GOLGA1: variants seen among roughly 807,000 people sequenced by gnomAD.
The protein encoded by GOLGA1 is golgin A1.
In GOLGA1, 63 loss-of-function variants were observed where a neutral mutation model predicts 119.7. The observed-to-expected ratio is 0.53, with a 90% confidence interval of 0.43 to 0.65. GOLGA1 has a LOEUF of 0.65. Among genes scored for constraint, GOLGA1 ranks in the 30% least tolerant of loss-of-function variants. The probability of loss-of-function intolerance (pLI) is 0.00; values close to 1 mark genes in which losing one functional copy is unlikely to be tolerated. For missense variants in GOLGA1, 798 were observed against 912.8 expected, an observed-to-expected ratio of 0.87 and a Z score of 1.62; for synonymous variants, 318 against 333.4, an observed-to-expected ratio of 0.95 and a Z score of 0.50.
intron 15 of GOLGA1, among the ~76,000 whole-genome samples, chr9:124,891,810 A>G (rs1829859739): frequency 6.6e-6 from 1 of 151,440 alleles, no homozygotes; most frequent in Non-Finnish European, 1.5e-5. Context: ...ACACCCAGCT[A>G]ATTTTTGTAT....
At chr9:124,926,652 T>A (rs772076506) in intron 7 of GOLGA1, 57 bp downstream of exon 7, 2 of 1,121,570 alleles carry the variant, frequency 1.8e-6, no homozygotes, top group Admixed American at 1.7e-5. Flanking sequence ...ATAAAACGTT[T>A]TCCATACCCC....
upstream of GOLGA1, chr9:124,943,236 G>T (rs944136421): frequency 6.6e-6 from 1 of 152,192 alleles, no homozygotes; most frequent in Non-Finnish European, 1.5e-5. Flanking sequence ...GTCATTGGTA[G>T]TAAATAGCCC....
At chr9:124,911,811 C>T in intron 11 of GOLGA1, 90 bp downstream of exon 11, 3 of 1,145,508 alleles carry the variant, frequency 2.6e-6, no homozygotes, top group Non-Finnish European at 3.8e-6. Context: ...GTTTGCTGGC[C>T]CTACAGCTCT....
chr9:124,919,259 A>G (rs1011726428), intron 10 of GOLGA1, among the ~76,000 whole-genome samples: 3 of 152,162 alleles, frequency 2.0e-5, no homozygotes, highest in African/African-American at 7.2e-5. Context: ...TGTCTCAAAA[A>G]AAAGAAAAAA....
At chr9:124,909,238 A>G (rs1424483404) in intron 11 of GOLGA1, among the ~76,000 whole-genome samples, 3 of 150,364 alleles carry the variant, frequency 2.0e-5, no homozygotes, top group Non-Finnish European at 4.4e-5. Context: ...ACTTGAACCC[A>G]GGAAGCGGAG....
chr9:124,924,503 G>A (rs1366307180), intron 7 of GOLGA1, among the ~76,000 whole-genome samples: 3 of 151,832 alleles, frequency 2.0e-5, no homozygotes, highest in African/African-American at 7.3e-5. Flanking sequence ...ATGGTGGCAT[G>A]TGCTTGTAAT....
chr9:124,932,586 A>G (rs1348526608), intron 3 of GOLGA1, among the ~76,000 whole-genome samples: 1 of 152,220 alleles, frequency 6.6e-6, no homozygotes. Context: ...GATTAAGTAA[A>G]TCAATACTTG....
chr9:124,885,165 A>T (rs192872529), intron 19 of GOLGA1, among the ~76,000 whole-genome samples: 5 of 152,264 alleles, frequency 3.3e-5, no homozygotes, highest in African/African-American at 1.2e-4. Context: ...CATCTCTACT[A>T]AAAATACAAA....
intron 19 of GOLGA1, among the ~76,000 whole-genome samples, chr9:124,883,602 C>T (rs1443392801): frequency 6.6e-6 from 1 of 152,216 alleles, no homozygotes; most frequent in African/African-American, 2.4e-5. Flanking sequence ...TTCCCACCAC[C>T]ACGCCCGGCT....
rs933676364 is a variant in GOLGA1 at position 124,879,169 on chromosome 9, C to T, written c.*1361G>A. On this transcript the variant is annotated 3_prime_UTR_variant, in exon 23 of 23. Coordinates refer to ENST00000373555, the MANE Select transcript of GOLGA1 (RefSeq NM_002077.4). ...AGCATGATTGAGAAATACAACTTTC[C>T]ATCACTGGATAATGGATAATAAATT... The T allele has an allele frequency of 3.9e-5, 6 of 152,196 alleles. No homozygotes were observed. The highest frequency in any genetic ancestry group is 1.4e-4 in the African/African-American group (6 of 41,444). 9.4% of individuals were successfully genotyped at this position (152,196 alleles called of 1,614,324 possible).
At chr9:124,944,055 C>G (rs1831101325), upstream of GOLGA1, 2 of 152,106 alleles carry the variant, frequency 1.3e-5, no homozygotes. Flanking sequence ...TCTACCTCAA[C>G]TGGAAGAATC....
In GOLGA1 at chr9:124,890,388, C is replaced by T. The variant is rs768425423; in HGVS notation, c.1497+1G>A. The T allele has an allele frequency of 6.2e-7, 1 of 1,604,740 alleles. No individual in the cohort carries two copies. Among genetic ancestry groups the T allele is most frequent in the Non-Finnish European group, 8.5e-7 (1 of 1,171,412 alleles). On this transcript the variant is annotated splice_donor_variant, in intron 16 of 22. Transcript: ENST00000373555. LOFTEE classifies it high-confidence loss of function. ...GCCCCTCAGCGTGAAACAGGGCCCA[C>T]CTGTTGCTGGAACTCTTCCCTTTGC...
At chr9:124,912,100 C>G in intron 10 of GOLGA1, 74 bp from the exon 11 acceptor site, 3 of 1,379,146 alleles carry the variant, frequency 2.2e-6, no homozygotes, top group Non-Finnish European at 3.0e-6. Context: ...TTTGGGCCAT[C>G]ACATTTTCCT....
rs961694842 is a variant in GOLGA1 at position 124,888,769 on chromosome 9, C to T, written c.1762-373G>A. On this transcript the variant is annotated intron_variant, in intron 18 of 22. Transcript: ENST00000373555. The surrounding 1 kb of genome is among the most constrained non-coding windows in gnomAD (Gnocchi z 4.4). The stretch of plus-strand genomic sequence containing the variant: ...AGGCTGGAGTGCAGTGGCGCAATCT[C>T]GGCTCCACCAAGCTCCGCCTCCCGG... 3.3e-5 allele frequency among the ~76,000 whole-genome samples: 5 copies of T among 152,132 alleles called. No individual in the cohort carries two copies. The highest frequency in any genetic ancestry group is 2.1e-4 in the South Asian group (1 of 4,828).
At chr9:124,941,778 TAGGA>T (rs949772874), upstream of GOLGA1, among the ~76,000 whole-genome samples, 8 of 152,174 alleles carry the variant, frequency 5.3e-5, no homozygotes, top group Middle Eastern at 0.017. Flanking sequence ...CCTTTCTGCT[TAGGA>T]AGGAAGTTGA....
At chr9:124,927,518 TTTC>T (rs1830697237) in intron 6 of GOLGA1, among the ~76,000 whole-genome samples, 2 of 152,180 alleles carry the variant, frequency 1.3e-5, no homozygotes, top group South Asian at 2.1e-4. Context: ...AATTATACAA[TTTC>T]TTAAGTGAAA....
At chr9:124,896,331 T>C (rs1026165630) in intron 15 of GOLGA1, among the ~76,000 whole-genome samples, 2 of 152,220 alleles carry the variant, frequency 1.3e-5, no homozygotes, top group African/African-American at 4.8e-5. Context: ...GAGAACTGCT[T>C]GAACCCAGGA....
At chr9:124,923,883 T>G (rs1830619828) in intron 7 of GOLGA1, among the ~76,000 whole-genome samples, 1 of 152,164 alleles carries the variant, frequency 6.6e-6, no homozygotes, top group Non-Finnish European at 1.5e-5. Context: ...TGACACAGAG[T>G]CTCACTCTGT....
chr9:124,922,290 C>A (rs1454934861), intron 8 of GOLGA1, among the ~76,000 whole-genome samples: 1 of 151,200 alleles, frequency 6.6e-6, no homozygotes, highest in African/African-American at 2.4e-5. Context: ...CGGTGGCTCA[C>A]GCCTGTAATC....
Sources: gnomAD v4.1 joint callset for allele counts (sites outside exome capture counted in the v4.1 genomes callset) on GRCh38, gnomAD v4.1.1 for gene constraint, Gnocchi (gnomAD v3.1) non-coding constraint, MANE v1.5 for transcripts, NCBI Gene and HGNC (gene_info 2026-07-23, HGNC 2026-07-21) for gene names.